Variants in PCID2 observed in about 807,000 individuals in gnomAD.
PCID2 encodes the protein PCI domain-containing protein 2.
A neutral mutation model predicts 61.3 loss-of-function variants in PCID2; 41 were observed. The observed-to-expected ratio is 0.67, with a 90% CI of 0.52 to 0.87. The LOEUF is 0.87. Ranked by LOEUF, PCID2 falls within the 40% of genes least tolerant of loss-of-function variation. PCID2 has a pLI of 0.00. For missense variants in PCID2, 392 were observed against 493.4 expected (o/e 0.79, Z 1.95); for synonymous variants, 187 against 177.8 (o/e 1.05, Z -0.41).
At chr13:113,172,392 G>A in the PCID2 span, 1 of 429,076 alleles carries the variant, frequency 2.3e-6, no homozygotes, top group Non-Finnish European at 4.3e-6. Context: ...AAGCAGCCTG[G>A]TTTCCAGAAA....
chr13:113,207,903 C>G (rs1012646917), intron 1 of PCID2: 1 of 870,606 alleles, frequency 1.1e-6, no homozygotes, highest in African/African-American at 1.7e-5. Flanking sequence ...AAAATCCATT[C>G]CCTATATTTC....
downstream of PCID2, among the ~76,000 whole-genome samples, chr13:113,176,492 T>C (rs9577212): frequency 8.3e-3 from 1,247 of 150,212 alleles, 154 homozygotes; most frequent in East Asian, 0.14. Flanking sequence ...CCGGGTGTGG[T>C]GGCACATGCC....
At position 113,200,459 on chromosome 13, in the gene PCID2, TAA is replaced by T; in HGVS notation, c.92_93del (p.Phe31Ter). ...CGTGGGTTTGCAACATGAGGATGTT[TAA>T]AAGACACCAACTCTGCACAAGATGC... Reference protein sequence around the residue: ...DGASCAELVSFKHPHVANPRL... With the variant: ...DGASCAELVSXKHPHVANPRL... On this transcript the variant is annotated frameshift_variant, in exon 2 of 14. Coordinates refer to ENST00000337344, the MANE Select transcript of PCID2 (RefSeq NM_001127202.4). LOFTEE classifies it high-confidence loss of function. 6.2e-7 allele frequency: 1 copy of T among 1,613,472 alleles called. No individual in the cohort carries two copies. The highest frequency in any genetic ancestry group is 8.5e-7 in the Non-Finnish European group (1 of 1,179,384).
At position 113,179,428 on chromosome 13, in the gene PCID2, G is replaced by A. The variant is rs566582245; in HGVS notation, c.987-339C>T. On this transcript the variant is annotated intron_variant, in intron 12 of 13. Transcript: ENST00000337344. The surrounding 1 kb of genome is among the most constrained non-coding windows in gnomAD (Gnocchi z 4.3). ...AAATAGGGTCCCTACTGTTTGTGAC[G>A]TGCTACCCACAGCTCTATACAAAGT... 5.9e-5 allele frequency among the ~76,000 whole-genome samples: 9 copies of A among 152,080 alleles called. No homozygotes were observed. Among genetic ancestry groups the A allele is most frequent in the South Asian group, 2.1e-4 (1 of 4,812 alleles).
chr13:113,207,966 A>G (rs2040031210), intron 1 of PCID2: 2 of 1,452,202 alleles, frequency 1.4e-6, no homozygotes, highest in Admixed American at 1.7e-5. Context: ...TTTAGTGGAA[A>G]GAATATGCGT....
At position 113,179,642 on chromosome 13, in the gene PCID2, C is replaced by T. The variant is rs1225738963; in HGVS notation, c.986+275G>A. Among the ~76,000 whole-genome samples, 1 of 152,142 alleles carries T rather than the reference C, an allele frequency of 6.6e-6. No homozygotes were observed. The highest frequency in any genetic ancestry group is 2.4e-5 in the African/African-American group (1 of 41,434). On this transcript the variant is annotated intron_variant, in intron 12 of 13. Transcript: ENST00000337344. This position sits in a 1 kb window ranked among gnomAD's most constrained non-coding sequence, Gnocchi z 4.3. ...CTGTGTGCTCTGATGAAATGTGGTA[C>T]CGCGGCTCTCAGGGCTGATGTTCTC... is the stretch of plus-strand genomic sequence containing the variant.
At chr13:113,207,991 T>A in intron 1 of PCID2, 1 of 1,573,270 alleles carries the variant, frequency 6.4e-7, no homozygotes. Flanking sequence ...TCTTTACAAG[T>A]GTCCATCTTT....
chr13:113,167,322 C>A, the PCID2 span, among the ~76,000 whole-genome samples: 6 of 152,208 alleles, frequency 3.9e-5, no homozygotes, highest in Non-Finnish European at 7.3e-5. Context: ...CAACAAGTGG[C>A]AGCTATTATT....
chr13:113,184,216 T>C (rs906754043), intron 9 of PCID2, 130 bp downstream of exon 9: 18 of 916,940 alleles, frequency 2.0e-5, no homozygotes, highest in Middle Eastern at 3.3e-4. Flanking sequence ...GTGTCAAATA[T>C]GTATATATAA....
the PCID2 span, chr13:113,172,021 G>C: frequency 5.6e-6 from 9 of 1,613,006 alleles, no homozygotes; most frequent in Admixed American, 6.7e-5. Context: ...TCCTGGGCTC[G>C]CAGCCAGTAG....
chr13:113,167,316 A>T, the PCID2 span, among the ~76,000 whole-genome samples: 1 of 152,238 alleles, frequency 6.6e-6, no homozygotes, highest in East Asian at 1.9e-4. Context: ...GGTATTCAAC[A>T]AGTGGCAGCT....
intron 7 of PCID2, among the ~76,000 whole-genome samples, chr13:113,190,235 A>G (rs1188914711): frequency 5.6e-4 from 85 of 151,864 alleles, no homozygotes; most frequent in African/African-American, 2.0e-3. Flanking sequence ...GAAATTAAAA[A>G]AAAAAAAAAA....
intron 5 of PCID2, 75 bp from the exon 6 acceptor site, chr13:113,195,200 C>T (rs1046933534): frequency 1.1e-5 from 10 of 889,812 alleles, no homozygotes; most frequent in South Asian, 2.6e-5. Flanking sequence ...GGGAAGAACA[C>T]GGACACCCAG....
At chr13:113,207,974 C>T in intron 1 of PCID2, 2 of 1,484,090 alleles carry the variant, frequency 1.3e-6, no homozygotes, top group Non-Finnish European at 1.9e-6. Flanking sequence ...AAAGAATATG[C>T]GTTGAATCTT....
rs116223868 is a variant in PCID2 at position 113,185,770 on chromosome 13, G to A, written c.468-210C>T. On this transcript the variant is annotated intron_variant, in intron 7 of 13. Coordinates refer to ENST00000337344, the MANE Select transcript of PCID2 (RefSeq NM_001127202.4). ...TTACCTGATGGGTAAAAATAAAAGA[G>A]AAAACAAACCAGGAAAATCCCAATT... The A allele has an allele frequency of 3.3e-3, 1,444 of 435,700 alleles. 22 individuals carry two copies. The highest frequency in any genetic ancestry group is 0.025 in the African/African-American group (1,276 of 50,392). The allele number at this position is 435,700 out of a possible 1,614,324, so 27.0% of individuals were successfully genotyped here. A position where few individuals can be genotyped will look rare whatever the true frequency, so the allele number is the denominator to read the frequency against.
At chr13:113,175,158 TCTTTC>T (rs2037167886), downstream of PCID2, among the ~76,000 whole-genome samples, 1 of 152,222 alleles carries the variant, frequency 6.6e-6, no homozygotes, top group South Asian at 2.1e-4. Context: ...CCATTAAACC[TCTTTC>T]CTTTACATAT....
At position 113,179,981 on chromosome 13, in the gene PCID2, A is replaced by T. The variant is rs1395934832; in HGVS notation, c.922T>A (p.Cys308Ser). 3 of 1,614,102 alleles carry T rather than the reference A, an allele frequency of 1.9e-6. No individual in the cohort carries two copies. The highest frequency in any genetic ancestry group is 2.5e-6 in the Non-Finnish European group (3 of 1,179,972). Residue 308 changes from cysteine (C) to serine (S), a missense_variant, in exon 12 of 14, where the codon TGC becomes AGC. Coordinates refer to ENST00000337344, the MANE Select transcript of PCID2 (RefSeq NM_001127202.4). The surrounding 1 kb of genome is among the most constrained non-coding windows in gnomAD (Gnocchi z 4.3). ...LAKHEAFFIRCGIFLILEKLK... is the reference protein window; with the variant it reads ...LAKHEAFFIRSGIFLILEKLK... ...TTCTCCAGGATGAGGAAGATTCCGCAGCGAATGAAGAAGGCCTCGTGCTTC... is the reference window on the plus strand; with the variant it reads ...TTCTCCAGGATGAGGAAGATTCCGCTGCGAATGAAGAAGGCCTCGTGCTTC...
At chr13:113,197,789 C>A (rs1450709732) in intron 3 of PCID2, among the ~76,000 whole-genome samples, 2 of 152,200 alleles carry the variant, frequency 1.3e-5, no homozygotes, top group African/African-American at 2.4e-5. Context: ...CAATCTTCTG[C>A]CTGAACTGAT....
At chr13:113,197,316 TTCATTG>T in intron 3 of PCID2, 73 bp from the exon 4 acceptor site, 2 of 1,045,244 alleles carry the variant, frequency 1.9e-6, no homozygotes, top group Admixed American at 3.4e-5. Context: ...CACAGCTCAC[TTCATTG>T]CACAGGTCCC....
Sources: gnomAD v4.1 joint callset for allele counts (sites outside exome capture counted in the v4.1 genomes callset) on GRCh38, gnomAD v4.1.1 for gene constraint, Gnocchi (gnomAD v3.1) non-coding constraint, MANE v1.5 for transcripts, NCBI Gene and HGNC (gene_info 2026-07-23, HGNC 2026-07-21) for gene names.